Variants in NCOR1 observed in about 807,000 individuals in gnomAD.
NCOR1 encodes the protein nuclear receptor corepressor 1.
A neutral mutation model predicts 288.1 loss-of-function variants in NCOR1; 63 were observed. The observed-to-expected ratio is 0.22, with a 90% confidence interval of 0.18 to 0.27. NCOR1 has a LOEUF of 0.27. NCOR1 is among the 10% of genes least tolerant of loss of function. The pLI is 1.00. For synonymous variants in NCOR1, 1,007 were observed against 1,065.9 expected (o/e 0.94, Z 1.08); for missense variants, 2,397 against 3,019.2 (o/e 0.79, Z 4.83).
intron 43 of NCOR1, 80 bp downstream of exon 43, chr17:16,040,361 T>C (rs1321625761): frequency 7.9e-6 from 9 of 1,139,474 alleles, no homozygotes; most frequent in South Asian, 5.0e-5. Flanking sequence ...TGGTATACAG[T>C]TGGTACTCAG....
At chr17:16,209,579 T>A (rs1297778702) in intron 1 of NCOR1, among the ~76,000 whole-genome samples, 2 of 143,120 alleles carry the variant, frequency 1.4e-5, no homozygotes, top group Admixed American at 7.0e-5. Flanking sequence ...TAAAATAAAA[T>A]AAATTTTATA....
intron 15 of NCOR1, 102 bp downstream of exon 15, chr17:16,125,980 T>A: frequency 1.6e-6 from 1 of 629,860 alleles, no homozygotes; most frequent in Non-Finnish European, 2.5e-6. Context: ...TTCACTACTA[T>A]GCAATATATC....
At chr17:16,090,395 G>A (rs1028940334) in intron 22 of NCOR1, among the ~76,000 whole-genome samples, 1 of 152,020 alleles carries the variant, frequency 6.6e-6, no homozygotes, top group Non-Finnish European at 1.5e-5. Context: ...TTCCACTGAC[G>A]GATTTCCTCA....
intron 26 of NCOR1, 139 bp from the exon 27 acceptor site, chr17:16,075,841 A>G (rs1199407636): frequency 3.5e-6 from 3 of 867,708 alleles, no homozygotes; most frequent in Admixed American, 2.9e-5. Context: ...ATGAAAGGAA[A>G]TTAGACATTG....
At chr17:16,134,408 A>G (rs1599172530) in intron 14 of NCOR1, among the ~76,000 whole-genome samples, 1 of 152,348 alleles carries the variant, frequency 6.6e-6, no homozygotes, top group East Asian at 1.9e-4. Context: ...AGAAGTGCTG[A>G]CCAACCCAAA....
At chr17:16,051,746 T>C (rs2059336820) in intron 40 of NCOR1, among the ~76,000 whole-genome samples, 1 of 151,914 alleles carries the variant, frequency 6.6e-6, no homozygotes, top group Non-Finnish European at 1.5e-5. Flanking sequence ...ACCCCGTCTC[T>C]ACTAAAAAAA....
At position 16,080,057 on chromosome 17, in the gene NCOR1, T is replaced by G. The variant is rs757758289; in HGVS notation, c.3408A>C (p.Ala1136=). The change falls in exon 26 of 46, where the codon GCA becomes GCC. Residue 1136 remains alanine (A), a synonymous_variant. Coordinates refer to ENST00000268712, the MANE Select transcript of NCOR1 (RefSeq NM_006311.4). ...AQHEGVVRGT[A]GAIQEGSITR... is the part of the protein sequence containing the mutation. ...TTATACTTCCTTCTTGTATGGCTCC[T>G]GCGGTACCTGAATACAAACAAAGCT... is the stretch of plus-strand genomic sequence containing the variant. 6.2e-6 allele frequency: 10 copies of G among 1,613,818 alleles called. No individual in the cohort carries two copies. The South Asian group carries it at 9.9e-5, about 16-fold the overall frequency.
At chr17:16,185,155 T>C (rs1030778962) in intron 3 of NCOR1, among the ~76,000 whole-genome samples, 2 of 151,978 alleles carry the variant, frequency 1.3e-5, no homozygotes, top group Admixed American at 6.6e-5. Context: ...AAGTCTAGAT[T>C]TCTTATGTAC....
chr17:16,161,360 G>A (rs1423137655), intron 5 of NCOR1, among the ~76,000 whole-genome samples: 3 of 152,034 alleles, frequency 2.0e-5, no homozygotes, highest in African/African-American at 7.2e-5. Flanking sequence ...CACAATCTCA[G>A]CTCACTGCAA....
intron 18 of NCOR1, among the ~76,000 whole-genome samples, chr17:16,110,912 C>T (rs1016331182): frequency 2.6e-5 from 4 of 152,354 alleles, no homozygotes; most frequent in South Asian, 4.1e-4. Context: ...ACTGGCTACA[C>T]TTTCTAAAAA....
chr17:16,127,530 T>C lies in NCOR1; in HGVS notation c.1510-1324A>G, dbSNP rs534811842. ...ACATATGTGTATATACACACGTGTA[T>C]ATATCTGCATGTATATATACACATG... On this transcript the variant is annotated intron_variant, in intron 14 of 45. Coordinates refer to ENST00000268712, the MANE Select transcript of NCOR1 (RefSeq NM_006311.4). Among the ~76,000 whole-genome samples, 38 of 146,524 alleles carry C rather than the reference T, an allele frequency of 2.6e-4. 2 individuals are homozygous for C. In the South Asian group the frequency reaches 8.1e-3, roughly 31 times the overall value.
intron 4 of NCOR1, among the ~76,000 whole-genome samples, chr17:16,165,655 G>T (rs2153445080): frequency 6.6e-6 from 1 of 152,292 alleles, no homozygotes; most frequent in South Asian, 2.1e-4. Context: ...AGGTACACAA[G>T]TCAGAGAAGT....
intron 14 of NCOR1, among the ~76,000 whole-genome samples, chr17:16,129,023 C>T (rs1382824123): frequency 6.6e-6 from 1 of 152,178 alleles, no homozygotes; most frequent in Non-Finnish European, 1.5e-5. Context: ...CTTAAATATT[C>T]CCTAGAACAT....
chr17:16,182,846 G>A lies in NCOR1; in HGVS notation c.242+3708C>T, dbSNP rs575776865. Among the ~76,000 whole-genome samples the A allele has an allele frequency of 2.0e-5, 3 of 152,000 alleles. No homozygotes were observed. In the South Asian group the frequency reaches 6.2e-4, roughly 32 times the overall value. On this transcript the variant is annotated intron_variant, in intron 3 of 45. Coordinates refer to ENST00000268712, the MANE Select transcript of NCOR1 (RefSeq NM_006311.4). ...ATATTAGCAAAAAATTTTTACTGGAGAAGAAAAGAAATAAAAATTCAAGGA... is the reference window on the plus strand; with the variant it reads ...ATATTAGCAAAAAATTTTTACTGGAAAAGAAAAGAAATAAAAATTCAAGGA...
At chr17:16,208,392 T>C (rs1318204981) in intron 1 of NCOR1, among the ~76,000 whole-genome samples, 1 of 151,676 alleles carries the variant, frequency 6.6e-6, no homozygotes. Context: ...AGTTTTTTCC[T>C]AGGATTGAAA....
At chr17:16,072,082 T>G in intron 29 of NCOR1, 63 bp downstream of exon 29, 1 of 1,256,948 alleles carries the variant, frequency 8.0e-7, no homozygotes, top group Non-Finnish European at 1.1e-6. Context: ...TGTAAATTAA[T>G]GTCAAACTAT....
chr17:16,050,217 C>T (rs2059147379), intron 40 of NCOR1, among the ~76,000 whole-genome samples: 1 of 151,680 alleles, frequency 6.6e-6, no homozygotes, highest in African/African-American at 2.4e-5. Context: ...CGCCCCACCA[C>T]ACCCTCAATT....
chr17:16,210,261 G>C (rs1260834808), intron 1 of NCOR1, among the ~76,000 whole-genome samples: 1 of 152,036 alleles, frequency 6.6e-6, no homozygotes, highest in Non-Finnish European at 1.5e-5. Context: ...GTGCATGCCT[G>C]TAATCCCAGC....
At chr17:16,117,298 A>T (rs1165420855) in intron 18 of NCOR1, among the ~76,000 whole-genome samples, 1 of 152,106 alleles carries the variant, frequency 6.6e-6, no homozygotes, top group Non-Finnish European at 1.5e-5. Flanking sequence ...CTTTACTACA[A>T]ATAGAAACTT....
Sources: allele counts gnomAD v4.1 joint callset (sites outside exome capture counted in the v4.1 genomes callset), GRCh38; gene constraint gnomAD v4.1.1; transcripts MANE v1.5; gene names NCBI Gene and HGNC (gene_info 2026-07-23, HGNC 2026-07-21).